The following CSMD3 variants were observed in gnomAD, a reference collection of about 807,000 sequenced individuals.
CSMD3 encodes the protein CUB and Sushi multiple domains 3.
CSMD3 carries 177 observed loss-of-function variants against 435.2 expected under a neutral mutation model. The ratio of observed to expected loss-of-function variants is 0.41; its 90% CI spans 0.36 to 0.46. CSMD3 has a LOEUF of 0.46. Ranked by LOEUF, CSMD3 falls within the 20% of genes least tolerant of loss-of-function variation. The pLI is 0.34. For synonymous variants in CSMD3, 1,656 were observed against 1,520.5 expected (o/e 1.09, Z -2.07); for missense variants, 4,265 against 4,504.6 (o/e 0.95, Z 1.52).
At chr8:113,104,352 G>A (rs760681255) in intron 4 of CSMD3, among the ~76,000 whole-genome samples, 1 of 151,998 alleles carries the variant, frequency 6.6e-6, no homozygotes, top group Non-Finnish European at 1.5e-5. Context: ...TCTATGTGAG[G>A]CTTTTTATTT....
At chr8:113,015,237 C>A (rs1468552497) in intron 6 of CSMD3, among the ~76,000 whole-genome samples, 2 of 151,970 alleles carry the variant, frequency 1.3e-5, no homozygotes, top group Non-Finnish European at 2.9e-5. Context: ...AAAGTTCTGT[C>A]CAATAAATAT....
intron 5 of CSMD3, among the ~76,000 whole-genome samples, chr8:113,022,220 A>C (rs1415790429): frequency 6.6e-6 from 1 of 152,146 alleles, no homozygotes; most frequent in African/African-American, 2.4e-5. Context: ...AATTTAGATA[A>C]TTACTAAAGG....
At chr8:112,978,203 A>G (rs1383623628) in intron 6 of CSMD3, among the ~76,000 whole-genome samples, 2 of 152,078 alleles carry the variant, frequency 1.3e-5, no homozygotes, top group East Asian at 1.9e-4. Flanking sequence ...GTTGGTAATT[A>G]TAAGCTAAAT....
At chr8:113,017,603 T>C (rs1462107661) in intron 6 of CSMD3, among the ~76,000 whole-genome samples, 1 of 151,946 alleles carries the variant, frequency 6.6e-6, no homozygotes, top group Non-Finnish European at 1.5e-5. Flanking sequence ...TGCCATGCCA[T>C]TGGCCTTAAC....
chr8:113,335,620 C>A (rs2094068238), intron 1 of CSMD3, among the ~76,000 whole-genome samples: 1 of 117,686 alleles, frequency 8.5e-6, no homozygotes, highest in African/African-American at 3.3e-5. Flanking sequence ...ATATATATTA[C>A]AATGTTGTGA....
At chr8:112,421,755 T>A (rs928908070) in intron 32 of CSMD3, among the ~76,000 whole-genome samples, 1 of 149,806 alleles carries the variant, frequency 6.7e-6, no homozygotes, top group Non-Finnish European at 1.5e-5. Context: ...GAGAATTTGC[T>A]CCTGGTAGAA....
chr8:113,293,615 C>T (rs911471462), intron 2 of CSMD3, among the ~76,000 whole-genome samples: 12 of 152,096 alleles, frequency 7.9e-5, no homozygotes, highest in African/African-American at 2.9e-4. Context: ...CCCAATCCCT[C>T]GGTCTCACTC....
rs1323032209 is a variant in CSMD3, at chr8:112,254,240, C to A, written c.10110+13G>T. The A allele has an allele frequency of 6.2e-7, 1 of 1,600,224 alleles. No individual in the cohort carries two copies. Among genetic ancestry groups the A allele is most frequent in the Non-Finnish European group, 8.6e-7 (1 of 1,167,714 alleles). ...CTAGTATGATGCTAAATGGACATAG[C>A]TAAAGTACCCACTTGAAATCCGAAT... On this transcript the variant is annotated intron_variant, in intron 63 of 70. Coordinates refer to ENST00000297405, the MANE Select transcript of CSMD3 (RefSeq NM_198123.2).
chr8:113,204,201 A>G lies in CSMD3; in HGVS notation c.515-30285T>C, dbSNP rs190723105. Among the ~76,000 whole-genome samples, 578 of 147,948 alleles carry G rather than the reference A, an allele frequency of 3.9e-3. 8 individuals carry two copies. The highest frequency in any genetic ancestry group is 0.014 in the African/African-American group (557 of 41,248). Reference sequence around the variant, plus strand: ...TTTCCAGTTTATCTTAAATTGTCCTATTTTATTAGAGGAAATTAGTGCCCT... The same window carrying G: ...TTTCCAGTTTATCTTAAATTGTCCTGTTTTATTAGAGGAAATTAGTGCCCT... On this transcript the variant is annotated intron_variant, in intron 3 of 70. Coordinates refer to ENST00000297405, the MANE Select transcript of CSMD3 (RefSeq NM_198123.2).
chr8:112,987,450 T>C (rs780974600), intron 6 of CSMD3, among the ~76,000 whole-genome samples: 4 of 152,086 alleles, frequency 2.6e-5, no homozygotes, highest in Non-Finnish European at 5.9e-5. Context: ...TAAAAAGCAA[T>C]AGACATTTAT....
intron 3 of CSMD3, among the ~76,000 whole-genome samples, chr8:113,240,417 T>A (rs1330235400): frequency 1.3e-5 from 2 of 152,188 alleles, no homozygotes; most frequent in Non-Finnish European, 2.9e-5. Flanking sequence ...TCTCTAGGGC[T>A]CTGAGGAATT....
chr8:112,790,692 C>T (rs2078666010), intron 13 of CSMD3, among the ~76,000 whole-genome samples: 1 of 152,156 alleles, frequency 6.6e-6, no homozygotes, highest in African/African-American at 2.4e-5. Flanking sequence ...ACCTTCAACT[C>T]TGCAGAGTAT....
chr8:112,419,094 T>C (rs939824582), intron 32 of CSMD3, among the ~76,000 whole-genome samples: 3 of 152,206 alleles, frequency 2.0e-5, no homozygotes, highest in African/African-American at 7.2e-5. Context: ...TTGACTGTAC[T>C]ATCAAGTGAA....
At chr8:112,470,227 T>A (rs1818383228) in intron 32 of CSMD3, among the ~76,000 whole-genome samples, 1 of 152,224 alleles carries the variant, frequency 6.6e-6, no homozygotes, top group South Asian at 2.1e-4. Context: ...ACACAAATAA[T>A]TGTTTTATTT....
intron 10 of CSMD3, among the ~76,000 whole-genome samples, chr8:112,920,995 GCGCACACACACA>G (rs1335788778): frequency 9.2e-6 from 1 of 108,894 alleles, no homozygotes; most frequent in African/African-American, 3.8e-5. Context: ...ATACGCGCGC[GCGCACACACACA>G]CACACACACA....
chr8:112,797,968 A>G (rs542377711), intron 13 of CSMD3, among the ~76,000 whole-genome samples: 38 of 152,038 alleles, frequency 2.5e-4, no homozygotes, highest in African/African-American at 8.7e-4. Context: ...AATAATTATT[A>G]GCTACCTATA....
chr8:112,620,297 T>A (rs556161145), intron 22 of CSMD3, among the ~76,000 whole-genome samples: 1 of 152,146 alleles, frequency 6.6e-6, no homozygotes, highest in South Asian at 2.1e-4. Flanking sequence ...AGGAACCGTA[T>A]GTTAAATTAT....
At chr8:113,393,202 GA>G (rs1341520953) in intron 1 of CSMD3, among the ~76,000 whole-genome samples, 1 of 151,860 alleles carries the variant, frequency 6.6e-6, no homozygotes, top group African/African-American at 2.4e-5. Context: ...AATATAAAGA[GA>G]ATGTTATATT....
intron 12 of CSMD3, among the ~76,000 whole-genome samples, chr8:112,820,957 T>C (rs1389447839): frequency 6.6e-6 from 1 of 152,200 alleles, no homozygotes; most frequent in East Asian, 1.9e-4. Context: ...TCCAGCTTCA[T>C]CCATGTACCC....
Sources: gnomAD v4.1 joint callset for allele counts (sites outside exome capture counted in the v4.1 genomes callset) on GRCh38, gnomAD v4.1.1 for gene constraint, MANE v1.5 for transcripts, NCBI Gene and HGNC (gene_info 2026-07-23, HGNC 2026-07-21) for gene names.